The following CSGALNACT1 variants were observed in gnomAD, a reference collection of about 807,000 sequenced individuals.
CSGALNACT1 encodes the protein chondroitin sulfate N-acetylgalactosaminyltransferase 1.
CSGALNACT1 carries 52 observed loss-of-function variants against 51.0 expected under a neutral mutation model. The ratio of observed to expected loss-of-function variants is 1.02; its 90% CI spans 0.82 to 1.29. The LOEUF is 1.29. Ranked by LOEUF, CSGALNACT1 falls within the 50% of genes most tolerant of loss-of-function variation. The probability of loss-of-function intolerance (pLI) is 0.00; values close to 1 mark genes in which losing one functional copy is unlikely to be tolerated. For missense variants in CSGALNACT1, 935 were observed against 679.2 expected, an observed-to-expected ratio of 1.38 and a Z score of -4.19; for synonymous variants, 341 against 254.4, an observed-to-expected ratio of 1.34 and a Z score of -3.24.
chr8:19,538,214 C>G (rs2084221295), intron 3 of CSGALNACT1, among the ~76,000 whole-genome samples: 1 of 152,068 alleles, frequency 6.6e-6, no homozygotes, highest in African/African-American at 2.4e-5. Flanking sequence ...CTGTAGTCCC[C>G]TAGCTACTTG....
chr8:19,624,977 G>A (rs1331565481), intron 1 of CSGALNACT1, among the ~76,000 whole-genome samples: 5 of 152,076 alleles, frequency 3.3e-5, no homozygotes, highest in Non-Finnish European at 7.4e-5. Flanking sequence ...GCACCCAGCC[G>A]GTTTCACCAT....
At position 19,666,887 on chromosome 8, in the gene CSGALNACT1, G is replaced by GAA. The variant is rs1554794643; in HGVS notation, c.-544+15585_-544+15586insTT. On this transcript the variant is annotated intron_variant, in intron 1 of 9. Coordinates refer to the CSGALNACT1 transcript ENST00000332246. ...AAAGAAAGAAAGAAAGAAAGAAAGA[G>GAA]AGAGAGGAAGTGAGGAAGGGAGGAA... Among the ~76,000 whole-genome samples, 58 of 125,100 alleles carry GAA rather than the reference G, an allele frequency of 4.6e-4. 3 individuals carry two copies. Among genetic ancestry groups the GAA allele is most frequent in the East Asian group, 4.0e-3 (16 of 3,982 alleles). 82.1% of individuals were successfully genotyped at this position (125,100 alleles called of 152,430 possible).
At chr8:19,505,724 T>G in exon 4 of CSGALNACT1, 1 of 1,614,110 alleles carries the variant, frequency 6.2e-7, no homozygotes, top group Non-Finnish European at 8.5e-7. Flanking sequence ...CCTCGTCACC[T>G]TTTGGGGTGC....
chr8:19,420,713 C>T (rs1422724917), intron 6 of CSGALNACT1, among the ~76,000 whole-genome samples, 195 bp from the exon 6 acceptor site: 2 of 152,202 alleles, frequency 1.3e-5, no homozygotes, highest in African/African-American at 2.4e-5. Flanking sequence ...CCAAGAACAC[C>T]TAGTGGAGTT....
At chr8:19,678,437 G>A (rs745694924) in intron 1 of CSGALNACT1, 3 of 152,140 alleles carry the variant, frequency 2.0e-5, no homozygotes, top group Non-Finnish European at 4.4e-5. Flanking sequence ...TTACAGAAAG[G>A]TAGAACTCAT....
chr8:19,712,669 C>A (rs568744418), intron 1 of CSGALNACT1, among the ~76,000 whole-genome samples: 2 of 152,196 alleles, frequency 1.3e-5, no homozygotes, highest in African/African-American at 4.8e-5. Flanking sequence ...CCAACCACTG[C>A]GTTTCTTAAA....
At chr8:19,605,628 G>C (rs146179252), upstream of CSGALNACT1, among the ~76,000 whole-genome samples, 316 of 152,220 alleles carry the variant, frequency 2.1e-3, 2 homozygotes, top group African/African-American at 7.3e-3. Context: ...AGTAAGAGGA[G>C]GCAGGATGTG....
Position 19,616,790 on chromosome 8 carries a change from G to C in CSGALNACT1, c.-543-14925C>G, listed in dbSNP as rs570487244. Among the ~76,000 whole-genome samples the C allele has an allele frequency of 2.6e-5, 4 of 152,278 alleles. No individual in the cohort carries two copies. The South Asian group carries it at 6.2e-4, about 24-fold the overall frequency. ...GAGGCCTCCTCATATGCTGAGCAGA[G>C]GCCAGTGCCATCCACGTACAATCAG... On this transcript the variant is annotated intron_variant, in intron 1 of 9. Coordinates refer to the CSGALNACT1 transcript ENST00000332246.
intron 1 of CSGALNACT1, among the ~76,000 whole-genome samples, chr8:19,654,671 A>G (rs1017784400): frequency 1.3e-5 from 2 of 152,028 alleles, no homozygotes; most frequent in Non-Finnish European, 2.9e-5. Context: ...CAGGCTCCCA[A>G]GTAGCTGGGA....
intron 3 of CSGALNACT1, among the ~76,000 whole-genome samples, chr8:19,584,906 C>A (rs113342933): frequency 0.012 from 1,860 of 152,202 alleles, 23 homozygotes; most frequent in Non-Finnish European, 0.019. Context: ...GGGTACCAAC[C>A]GTAGACAGCA....
chr8:19,709,293 T>C (rs533937605), intron 1 of CSGALNACT1, among the ~76,000 whole-genome samples: 1 of 152,344 alleles, frequency 6.6e-6, no homozygotes, highest in South Asian at 2.1e-4. Context: ...CATTCTCATT[T>C]AACAAATACG....
At chr8:19,613,272 T>C (rs1589032774) in intron 1 of CSGALNACT1, among the ~76,000 whole-genome samples, 1 of 152,342 alleles carries the variant, frequency 6.6e-6, no homozygotes, top group East Asian at 1.9e-4. Flanking sequence ...ACATATAATT[T>C]ATGTTTCTAT....
chr8:19,652,472 A>G (rs1361826090), intron 1 of CSGALNACT1, among the ~76,000 whole-genome samples: 4 of 152,176 alleles, frequency 2.6e-5, no homozygotes, highest in Admixed American at 2.6e-4. Flanking sequence ...CTAATTCACT[A>G]GATGAACTGT....
intron 8 of CSGALNACT1, among the ~76,000 whole-genome samples, chr8:19,410,277 C>T (rs1244831291): frequency 6.6e-6 from 1 of 152,168 alleles, no homozygotes; most frequent in Non-Finnish European, 1.5e-5. Context: ...TCCCAAATGA[C>T]AAGTCAATTT....
At chr8:19,420,462 C>T in exon 7 of CSGALNACT1, 1 of 1,614,226 alleles carries the variant, frequency 6.2e-7, no homozygotes. Flanking sequence ...AAGTCCCTTT[C>T]CCCGAGAAAA....
chr8:19,618,322 G>T (rs1291384772), intron 1 of CSGALNACT1, among the ~76,000 whole-genome samples: 3 of 152,028 alleles, frequency 2.0e-5, no homozygotes, highest in Non-Finnish European at 4.4e-5. Context: ...ATGACTGTAG[G>T]GCTGGCATGC....
intron 1 of CSGALNACT1, among the ~76,000 whole-genome samples, chr8:19,610,618 T>C (rs781057371): frequency 6.6e-6 from 1 of 152,150 alleles, no homozygotes; most frequent in Middle Eastern, 3.4e-3. Flanking sequence ...AGGAGAACAA[T>C]GCAGAGTTTG....
chr8:19,625,602 A>T (rs1214015876), intron 1 of CSGALNACT1, among the ~76,000 whole-genome samples: 1 of 152,188 alleles, frequency 6.6e-6, no homozygotes, highest in African/African-American at 2.4e-5. Flanking sequence ...GAGTATAGGA[A>T]TCTGCAGTTT....
At chr8:19,619,671 A>C (rs556127429) in intron 1 of CSGALNACT1, among the ~76,000 whole-genome samples, 1 of 152,116 alleles carries the variant, frequency 6.6e-6, no homozygotes, top group East Asian at 1.9e-4. Flanking sequence ...CCAAAATTTA[A>C]CTTTCTTCTT....
Sources: allele counts gnomAD v4.1 joint callset (sites outside exome capture counted in the v4.1 genomes callset), GRCh38; gene constraint gnomAD v4.1.1; transcripts MANE v1.5; gene names NCBI Gene and HGNC (gene_info 2026-07-23, HGNC 2026-07-21).